SCD5: variants seen among roughly 807,000 people sequenced by gnomAD.
SCD5 encodes the protein stearoyl-CoA desaturase 5.
In SCD5, 20 loss-of-function variants were observed where a neutral mutation model predicts 30.4. The ratio of observed to expected loss-of-function variants is 0.66; its 90% confidence interval spans 0.46 to 0.96. The LOEUF (loss-of-function observed/expected upper bound fraction) is 0.96. Ranked by LOEUF, SCD5 falls within the 40% of genes least tolerant of loss-of-function variation. The probability of loss-of-function intolerance (pLI) is 0.00; values close to 1 mark genes in which losing one functional copy is unlikely to be tolerated. For synonymous variants in SCD5, 173 were observed against 176.4 expected (o/e 0.98, Z 0.16); for missense variants, 381 against 443.3 (o/e 0.86, Z 1.26).
rs560448698 is a variant in SCD5 at position 82,678,339 on chromosome 4, C to T, written c.569+2368G>A. Among the ~76,000 whole-genome samples, 103 of 152,050 alleles carry T rather than the reference C, an allele frequency of 6.8e-4. 1 individual carries two copies. The highest frequency in any genetic ancestry group is 2.4e-3 in the African/African-American group (99 of 41,454). On this transcript the variant is annotated intron_variant, in intron 3 of 4. Coordinates refer to ENST00000319540, the MANE Select transcript of SCD5 (RefSeq NM_001037582.3). ...AGAAATAGTCTTTAGACATACGTGC[C>T]GCCAATACACACATAATGAATCAGA...
intron 1 of SCD5, among the ~76,000 whole-genome samples, chr4:82,790,736 A>G (rs897599873): frequency 2.6e-5 from 4 of 152,144 alleles, no homozygotes; most frequent in African/African-American, 9.7e-5. Context: ...AATATTGTTG[A>G]ATAAGGAAAC....
intron 1 of SCD5, among the ~76,000 whole-genome samples, chr4:82,792,093 A>C (rs1722111019): frequency 1.3e-5 from 2 of 151,982 alleles, no homozygotes; most frequent in Non-Finnish European, 2.9e-5. Context: ...CCCTGTCTCT[A>C]CTAAAAATAC....
At chr4:82,729,913 C>T (rs1720590292) in intron 1 of SCD5, among the ~76,000 whole-genome samples, 1 of 152,152 alleles carries the variant, frequency 6.6e-6, no homozygotes, top group African/African-American at 2.4e-5. Context: ...CATTAGCTCC[C>T]CCACTATTTA....
At chr4:82,771,650 A>G (rs1721625187) in intron 1 of SCD5, among the ~76,000 whole-genome samples, 1 of 151,968 alleles carries the variant, frequency 6.6e-6, no homozygotes, top group Admixed American at 6.6e-5. Context: ...GCCACAGACC[A>G]CATGGTCCCA....
intron 1 of SCD5, among the ~76,000 whole-genome samples, chr4:82,727,751 G>A (rs1578040678): frequency 6.6e-6 from 1 of 152,180 alleles, no homozygotes; most frequent in African/African-American, 2.4e-5. Context: ...CTGTCGCCCA[G>A]ACTGGAGTGC....
At chr4:82,644,564 T>C (rs1358135396) in intron 3 of SCD5, among the ~76,000 whole-genome samples, 1 of 152,166 alleles carries the variant, frequency 6.6e-6, no homozygotes, top group African/African-American at 2.4e-5. Context: ...TGAGTCTTGG[T>C]TTCCCAGGAA....
chr4:82,752,046 A>T (rs1235361289), intron 1 of SCD5, among the ~76,000 whole-genome samples: 2 of 152,232 alleles, frequency 1.3e-5, no homozygotes, highest in Non-Finnish European at 2.9e-5. Context: ...TTTTAGCAAG[A>T]AATACTGCCC....
chr4:82,743,779 T>C (rs1382171393), intron 1 of SCD5, among the ~76,000 whole-genome samples: 1 of 151,840 alleles, frequency 6.6e-6, no homozygotes, highest in Non-Finnish European at 1.5e-5. Context: ...CGCCTTGGTC[T>C]CCCAAAGTGC....
At chr4:82,640,772 A>G (rs988271379) in intron 3 of SCD5, among the ~76,000 whole-genome samples, 5 of 152,200 alleles carry the variant, frequency 3.3e-5, no homozygotes, top group African/African-American at 1.2e-4. Context: ...AATAACACTC[A>G]AACATGAATG....
chr4:82,732,085 C>T (rs1424830030), intron 1 of SCD5, among the ~76,000 whole-genome samples: 1 of 151,986 alleles, frequency 6.6e-6, no homozygotes, highest in East Asian at 1.9e-4. Flanking sequence ...AGATTCTTTT[C>T]TCTACTTTTC....
At chr4:82,730,273 AGT>A (rs1720603344) in intron 1 of SCD5, among the ~76,000 whole-genome samples, 1 of 83,570 alleles carries the variant, frequency 1.2e-5, no homozygotes, top group African/African-American at 1.4e-4. Context: ...TTATATATAT[AGT>A]TATATATACT....
intron 1 of SCD5, among the ~76,000 whole-genome samples, chr4:82,720,682 C>A (rs1720352749): frequency 6.6e-6 from 1 of 152,164 alleles, no homozygotes; most frequent in Non-Finnish European, 1.5e-5. Flanking sequence ...CATTCCCCAA[C>A]TACTGGGATT....
At chr4:82,751,352 T>C (rs376129621) in intron 1 of SCD5, among the ~76,000 whole-genome samples, 14 of 152,070 alleles carry the variant, frequency 9.2e-5, no homozygotes, top group East Asian at 5.8e-4. Context: ...TGCACCACCA[T>C]ACCCGGCTAA....
At chr4:82,768,478 AT>A (rs1721540048) in intron 1 of SCD5, among the ~76,000 whole-genome samples, 1 of 152,264 alleles carries the variant, frequency 6.6e-6, no homozygotes, top group Non-Finnish European at 1.5e-5. Flanking sequence ...ATAAGACCTC[AT>A]CTTTTATTAA....
At chr4:82,636,467 A>AAT (rs1553913623) in intron 4 of SCD5, 124 bp downstream of exon 4, 3 of 732,302 alleles carry the variant, frequency 4.1e-6, no homozygotes, top group Non-Finnish European at 4.4e-6. Context: ...AAAAAAAAAA[A>AAT]GCTCAAGTTC....
At chr4:82,762,593 G>A (rs1181249635) in intron 1 of SCD5, among the ~76,000 whole-genome samples, 1 of 152,150 alleles carries the variant, frequency 6.6e-6, no homozygotes, top group African/African-American at 2.4e-5. Context: ...ATTCGGCAAA[G>A]TGAAGCCAGA....
At chr4:82,778,777 T>C (rs1721807140) in intron 1 of SCD5, among the ~76,000 whole-genome samples, 1 of 152,212 alleles carries the variant, frequency 6.6e-6, no homozygotes, top group South Asian at 2.1e-4. Flanking sequence ...CTCCCAGAGA[T>C]GTCCACATAC....
At chr4:82,672,281 A>G (rs78464404) in intron 3 of SCD5, among the ~76,000 whole-genome samples, 8,583 of 152,232 alleles carry the variant, frequency 0.056, 375 homozygotes, top group African/African-American at 0.12. Flanking sequence ...CTTTGAATCA[A>G]TTAATAAAAT....
At chr4:82,731,639 C>T (rs756816957) in intron 1 of SCD5, among the ~76,000 whole-genome samples, 1 of 152,200 alleles carries the variant, frequency 6.6e-6, no homozygotes. Context: ...ATCTGCATCC[C>T]ACACAGAGCT....
Sources: gnomAD v4.1 joint callset for allele counts (sites outside exome capture counted in the v4.1 genomes callset) on GRCh38, gnomAD v4.1.1 for gene constraint, MANE v1.5 for transcripts, NCBI Gene and HGNC (gene_info 2026-07-23, HGNC 2026-07-21) for gene names.